The following KLF12 variants were observed in gnomAD, a reference collection of about 807,000 sequenced individuals.
KLF12 encodes KLF transcription factor 12, also known as Krueppel-like factor 12.
Under a neutral mutation model 37.8 loss-of-function variants are expected in KLF12, and 9 were observed. The observed-to-expected ratio is 0.24, with a 90% CI of 0.14 to 0.42. The LOEUF (loss-of-function observed/expected upper bound fraction) is 0.42. KLF12 is among the 10% of genes least tolerant of loss of function. KLF12 has a pLI of 1.00. For synonymous variants in KLF12, 208 were observed against 202.1 expected (o/e 1.03, Z -0.25); for missense variants, 411 against 516.0 (o/e 0.80, Z 1.97).
chr13:73,835,063 A>G (rs1029043049), intron 4 of KLF12, among the ~76,000 whole-genome samples: 2 of 143,364 alleles, frequency 1.4e-5, no homozygotes, highest in Non-Finnish European at 3.1e-5. Context: ...GTAGAAGTTA[A>G]ACCTTTTTTT....
chr13:74,299,243 G>C, the KLF12 span, among the ~76,000 whole-genome samples: 1 of 152,208 alleles, frequency 6.6e-6, no homozygotes, highest in Non-Finnish European at 1.5e-5. Context: ...AGGTGGAGTA[G>C]AGTACAGAAA....
chr13:73,973,653 T>C (rs1891412474), intron 2 of KLF12, among the ~76,000 whole-genome samples: 1 of 119,170 alleles, frequency 8.4e-6, no homozygotes, highest in Non-Finnish European at 1.9e-5. Flanking sequence ...ACATAGAACA[T>C]CTGCCCAGCA....
At chr13:74,233,032 C>T in the KLF12 span, among the ~76,000 whole-genome samples, 3 of 152,046 alleles carry the variant, frequency 2.0e-5, no homozygotes, top group South Asian at 2.1e-4. Context: ...ACTACAGGCG[C>T]GTTCCACCAT....
the KLF12 span, among the ~76,000 whole-genome samples, chr13:74,202,592 C>T: frequency 6.6e-6 from 1 of 152,138 alleles, no homozygotes; most frequent in Non-Finnish European, 1.5e-5. Flanking sequence ...TGCTTCAGCA[C>T]CTCCAAGGGC....
At chr13:74,275,819 T>C in the KLF12 span, among the ~76,000 whole-genome samples, 192 of 107,084 alleles carry the variant, frequency 1.8e-3, no homozygotes, top group African/African-American at 5.4e-3. Context: ...TCTTTCTTTC[T>C]TTCTTTCTTT....
chr13:74,056,876 C>T (rs1439281759), intron 1 of KLF12, among the ~76,000 whole-genome samples: 1 of 152,168 alleles, frequency 6.6e-6, no homozygotes, highest in Non-Finnish European at 1.5e-5. Flanking sequence ...CATACCTACA[C>T]ACCTCCCTTG....
chr13:73,775,872 A>G (rs536591128), intron 5 of KLF12, among the ~76,000 whole-genome samples: 19 of 152,230 alleles, frequency 1.2e-4, no homozygotes, highest in Non-Finnish European at 2.2e-4. Context: ...TGTCACCTCA[A>G]ATTGGACCTA....
intron 2 of KLF12, among the ~76,000 whole-genome samples, chr13:73,946,452 T>TGG (rs1428292897): frequency 6.6e-6 from 1 of 152,178 alleles, no homozygotes; most frequent in Non-Finnish European, 1.5e-5. Flanking sequence ...AAAACCTGAC[T>TGG]GGGTCTGTGT....
At chr13:73,774,183 G>C (rs751896869) in intron 5 of KLF12, among the ~76,000 whole-genome samples, 1 of 151,798 alleles carries the variant, frequency 6.6e-6, no homozygotes, top group Non-Finnish European at 1.5e-5. Context: ...CACAATAGTA[G>C]TCTTATTTTA....
intron 2 of KLF12, among the ~76,000 whole-genome samples, chr13:73,968,121 T>C (rs1036868433): frequency 2.6e-5 from 4 of 152,192 alleles, no homozygotes; most frequent in African/African-American, 9.7e-5. Context: ...TTAACATCTT[T>C]GGGCCCAAGT....
chr13:74,085,256 G>A (rs535037447), intron 1 of KLF12, among the ~76,000 whole-genome samples: 4 of 152,226 alleles, frequency 2.6e-5, no homozygotes, highest in East Asian at 3.9e-4. Flanking sequence ...ATGCAAAAAC[G>A]GGGATACCTC....
intron 6 of KLF12, among the ~76,000 whole-genome samples, chr13:73,722,825 A>G (rs760924710): frequency 6.6e-6 from 1 of 152,210 alleles, no homozygotes; most frequent in South Asian, 2.1e-4. Context: ...ATATTTAATT[A>G]TTGTTTTACT....
chr13:73,938,286 A>G (rs1249329912), intron 3 of KLF12, among the ~76,000 whole-genome samples: 1 of 152,192 alleles, frequency 6.6e-6, no homozygotes, highest in East Asian at 1.9e-4. Context: ...ACTGAGGAAA[A>G]AAGTTAGGCT....
At chr13:74,131,126 A>G (rs1298003349) in intron 1 of KLF12, among the ~76,000 whole-genome samples, 1 of 152,252 alleles carries the variant, frequency 6.6e-6, no homozygotes, top group Non-Finnish European at 1.5e-5. Context: ...TTGTCTCTGC[A>G]GAGATAAAAC....
chr13:74,050,784 C>T (rs1046370402), intron 1 of KLF12, among the ~76,000 whole-genome samples: 3 of 152,074 alleles, frequency 2.0e-5, no homozygotes, highest in Admixed American at 1.3e-4. Flanking sequence ...AAAAGACAAC[C>T]TACAGAATGA....
rs1264453280 is a variant in KLF12, at chr13:74,121,824, T to C, written c.-32+11915A>G. Among the ~76,000 whole-genome samples the C allele has an allele frequency of 3.9e-5, 6 of 152,016 alleles. No individual in the cohort carries two copies. In the East Asian group the frequency reaches 1.2e-3, roughly 29 times the overall value. On this transcript the variant is annotated intron_variant, in intron 1 of 7. Coordinates refer to ENST00000377669, the MANE Select transcript of KLF12 (RefSeq NM_007249.5). ...ATAAAGAAATCCAGGTACTACTGGA[T>C]ATATGAAAACATTACATGACAAATG...
intron 3 of KLF12, among the ~76,000 whole-genome samples, chr13:73,885,143 G>A (rs1887163238): frequency 6.6e-6 from 1 of 152,162 alleles, no homozygotes; most frequent in African/African-American, 2.4e-5. Flanking sequence ...GATTCCCATA[G>A]CCAACAGTGT....
the KLF12 span, among the ~76,000 whole-genome samples, chr13:74,279,187 C>T: frequency 3.3e-5 from 5 of 152,274 alleles, no homozygotes; most frequent in South Asian, 4.2e-4. Context: ...TCTTCCATCA[C>T]AGCACTGGGA....
At chr13:73,834,846 G>A (rs1373476706) in intron 4 of KLF12, among the ~76,000 whole-genome samples, 2 of 152,118 alleles carry the variant, frequency 1.3e-5, no homozygotes, top group Non-Finnish European at 2.9e-5. Context: ...TGACATTCTA[G>A]GGCACTGGTA....
Sources: allele counts gnomAD v4.1 joint callset (sites outside exome capture counted in the v4.1 genomes callset), GRCh38; gene constraint gnomAD v4.1.1; transcripts MANE v1.5; gene names NCBI Gene and HGNC (gene_info 2026-07-23, HGNC 2026-07-21).